Variants in RSRC1 observed in about 807,000 individuals in gnomAD.
RSRC1 encodes the protein arginine and serine rich coiled-coil 1, also known as serine/Arginine-related protein 53.
RSRC1 carries 39 observed loss-of-function variants against 49.1 expected under a neutral mutation model. The observed-to-expected ratio is 0.79, with a 90% CI of 0.61 to 1.04. RSRC1 has a LOEUF of 1.04. Ranked by LOEUF, RSRC1 falls within the 50% of genes least tolerant of loss-of-function variation. RSRC1 has a pLI of 0.00. For missense variants in RSRC1, 388 were observed against 402.4 expected (o/e 0.96, Z 0.31); for synonymous variants, 143 against 130.8 (o/e 1.09, Z -0.63).
chr3:158,188,522 A>C (rs577074752), intron 3 of RSRC1, among the ~76,000 whole-genome samples: 1 of 152,132 alleles, frequency 6.6e-6, no homozygotes, highest in East Asian at 1.9e-4. Flanking sequence ...TAAAGGCAGT[A>C]AACTGAGGCA....
chr3:158,409,163 C>T (rs955270948), intron 6 of RSRC1, among the ~76,000 whole-genome samples: 1 of 151,984 alleles, frequency 6.6e-6, no homozygotes, highest in Non-Finnish European at 1.5e-5. Context: ...GGGATAGGAT[C>T]AGGAACAATA....
intron 3 of RSRC1, among the ~76,000 whole-genome samples, chr3:158,186,266 G>T (rs959928184): frequency 6.6e-6 from 1 of 151,860 alleles, no homozygotes; most frequent in African/African-American, 2.4e-5. Context: ...CTGTCTATTT[G>T]TTTCAACTCT....
intron 3 of RSRC1, among the ~76,000 whole-genome samples, chr3:158,129,090 T>G (rs1425994520): frequency 1.3e-5 from 2 of 152,116 alleles, no homozygotes; most frequent in Non-Finnish European, 1.5e-5. Flanking sequence ...TTGGGAGAGA[T>G]ATTTTCTAAC....
intron 4 of RSRC1, among the ~76,000 whole-genome samples, chr3:158,214,944 A>G (rs1721872703): frequency 6.6e-6 from 1 of 151,840 alleles, no homozygotes; most frequent in African/African-American, 2.4e-5. Flanking sequence ...GGAATTTTCT[A>G]TCTCTTGGCT....
Position 158,470,726 on chromosome 3 carries a change from A to G in RSRC1, c.652+9723A>G, listed in dbSNP as rs1227237702. The stretch of plus-strand genomic sequence containing the variant: ...AAGCTGAATTTATGTATATAAAACC[A>G]TAATCTAATCAATTCTTAACATTTC... On this transcript the variant is annotated intron_variant, in intron 7 of 9. Transcript: ENST00000611884. 4.6e-5 allele frequency among the ~76,000 whole-genome samples: 7 copies of G among 152,228 alleles called. No individual in the cohort carries two copies. The East Asian group carries it at 1.3e-3, about 29-fold the overall frequency.
intron 3 of RSRC1, among the ~76,000 whole-genome samples, chr3:158,200,722 A>T (rs1316959302): frequency 6.6e-6 from 1 of 152,072 alleles, no homozygotes; most frequent in Non-Finnish European, 1.5e-5. Flanking sequence ...ACTTAAAGTT[A>T]TTATTTCACC....
chr3:158,414,120 AT>A (rs774609423), intron 6 of RSRC1, among the ~76,000 whole-genome samples: 11 of 152,210 alleles, frequency 7.2e-5, no homozygotes, highest in Non-Finnish European at 1.0e-4. Flanking sequence ...TGGCAGCACT[AT>A]TCACTGTAGC....
At chr3:158,134,470 T>A (rs1030705251) in intron 3 of RSRC1, among the ~76,000 whole-genome samples, 2 of 152,220 alleles carry the variant, frequency 1.3e-5, no homozygotes, top group African/African-American at 4.8e-5. Flanking sequence ...CTTAGAAAAT[T>A]GCATTGTTAA....
intron 4 of RSRC1, among the ~76,000 whole-genome samples, chr3:158,229,294 GTA>G (rs1722784024): frequency 7.1e-6 from 1 of 141,300 alleles, no homozygotes; most frequent in Non-Finnish European, 1.6e-5. Flanking sequence ...ATACACACAC[GTA>G]TATGTGTATG....
At chr3:158,487,398 T>C (rs1186930509) in intron 7 of RSRC1, among the ~76,000 whole-genome samples, 1 of 152,210 alleles carries the variant, frequency 6.6e-6, no homozygotes, top group Non-Finnish European at 1.5e-5. Context: ...TTTCACGTGT[T>C]TTAACATCTC....
At chr3:158,148,179 G>A (rs1261334328) in intron 3 of RSRC1, among the ~76,000 whole-genome samples, 1 of 152,152 alleles carries the variant, frequency 6.6e-6, no homozygotes, top group African/African-American at 2.4e-5. Flanking sequence ...TGCTTCCTAT[G>A]TATTTCCCTT....
intron 4 of RSRC1, among the ~76,000 whole-genome samples, chr3:158,213,576 C>A (rs1721802162): frequency 6.6e-6 from 1 of 151,982 alleles, no homozygotes; most frequent in South Asian, 2.1e-4. Context: ...TAGGGAAATA[C>A]AACAATGAGT....
At chr3:158,200,413 T>C (rs1048883297) in intron 3 of RSRC1, among the ~76,000 whole-genome samples, 3 of 152,196 alleles carry the variant, frequency 2.0e-5, no homozygotes, top group African/African-American at 7.2e-5. Context: ...AGTTGTTGTT[T>C]TAGATGGCAT....
In RSRC1 at chr3:158,538,370, T is replaced by C. The variant is rs145955688; in HGVS notation, c.759+1172T>C. On this transcript the variant is annotated intron_variant, in intron 8 of 9. Transcript: ENST00000611884. ...TTTGATAGTTTGCCACCACAACTCC[T>C]AAAAAAATGGGGCTGTGAAATAGAC... 7.2e-5 allele frequency among the ~76,000 whole-genome samples: 11 copies of C among 151,972 alleles called. No homozygotes were observed. The East Asian group carries it at 2.1e-3, about 29-fold the overall frequency.
At chr3:158,493,261 C>T (rs1457914308) in intron 7 of RSRC1, among the ~76,000 whole-genome samples, 3 of 152,100 alleles carry the variant, frequency 2.0e-5, no homozygotes, top group Non-Finnish European at 4.4e-5. Flanking sequence ...GCATTGGAGG[C>T]ACCAATAAAC....
At chr3:158,491,731 C>G (rs1413641240) in intron 7 of RSRC1, among the ~76,000 whole-genome samples, 1 of 152,100 alleles carries the variant, frequency 6.6e-6, no homozygotes, top group Non-Finnish European at 1.5e-5. Context: ...AAAGATAACT[C>G]AGTATAATTT....
intron 4 of RSRC1, among the ~76,000 whole-genome samples, chr3:158,265,822 G>T (rs1382328921): frequency 6.6e-6 from 1 of 152,022 alleles, no homozygotes; most frequent in Non-Finnish European, 1.5e-5. Context: ...TTTTCTTCTA[G>T]TAGTTTCATA....
intron 7 of RSRC1, among the ~76,000 whole-genome samples, chr3:158,513,046 T>A (rs1740278754): frequency 7.2e-6 from 1 of 138,508 alleles, no homozygotes; most frequent in African/African-American, 2.8e-5. Context: ...AGATATACAA[T>A]CATGTCGTCT....
intron 6 of RSRC1, among the ~76,000 whole-genome samples, chr3:158,414,927 TC>T (rs1734665030): frequency 2.0e-5 from 3 of 152,104 alleles, no homozygotes; most frequent in Admixed American, 2.0e-4. Flanking sequence ...TGTAAGCAAA[TC>T]CCTTCTCTAA....
Sources: allele counts gnomAD v4.1 joint callset (sites outside exome capture counted in the v4.1 genomes callset), GRCh38; gene constraint gnomAD v4.1.1; transcripts MANE v1.5; gene names NCBI Gene and HGNC (gene_info 2026-07-23, HGNC 2026-07-21).